NT5E: variants seen among roughly 807,000 people sequenced by gnomAD.
NT5E encodes 5'-nucleotidase ecto, also known as 5'-nucleotidase.
In NT5E, 53 loss-of-function variants were observed where a neutral mutation model predicts 55.1. The observed-to-expected ratio is 0.96, with a 90% CI of 0.77 to 1.21. The LOEUF (loss-of-function observed/expected upper bound fraction) is 1.21, where lower values mean the gene tolerates loss of function less well. Ranked by LOEUF, NT5E falls within the 50% of genes most tolerant of loss-of-function variation. The pLI is 0.00. For synonymous variants in NT5E, 270 were observed against 278.4 expected (o/e 0.97, Z 0.30); for missense variants, 683 against 724.3 (o/e 0.94, Z 0.65).
chr6:85,450,226 T>G lies in NT5E; in HGVS notation c.87T>G (p.Leu29=). ...VLWPAAGAWE[L]TILHTNDVHS... Reference sequence around the variant, plus strand: ...GGCCTGCGGCTGGCGCCTGGGAGCTTACGATTTTGCACACCAACGACGTGC... The same window carrying G: ...GGCCTGCGGCTGGCGCCTGGGAGCTGACGATTTTGCACACCAACGACGTGC... The change falls in exon 1 of 9, where the codon CTT becomes CTG. Residue 29 remains leucine, a synonymous_variant. Transcript: ENST00000257770. The surrounding 1 kb of genome is among the most constrained non-coding windows in gnomAD (Gnocchi z 4.0). The G allele has an allele frequency of 6.2e-7, 1 of 1,609,752 alleles. No homozygotes were observed. Among genetic ancestry groups the G allele is most frequent in the South Asian group, 1.1e-5 (1 of 90,452 alleles).
intron 1 of NT5E, among the ~76,000 whole-genome samples, chr6:85,455,424 C>T (rs1013148102): frequency 2.6e-5 from 4 of 152,168 alleles, no homozygotes; most frequent in African/African-American, 9.7e-5. Context: ...TACAAAAACT[C>T]TTGAACAAGA....
chr6:85,479,999 T>G (rs548858146), intron 3 of NT5E, among the ~76,000 whole-genome samples: 176 of 152,318 alleles, frequency 1.2e-3, no homozygotes, highest in Non-Finnish European at 2.2e-3. Flanking sequence ...TCGCTTTCCC[T>G]ACCCTGTATT....
chr6:85,489,405 T>C (rs1769736429), intron 5 of NT5E, 89 bp from the exon 6 acceptor site: 2 of 890,824 alleles, frequency 2.2e-6, no homozygotes, highest in African/African-American at 1.7e-5. Context: ...AGCAGCTTTA[T>C]TTCCTCACTA....
chr6:85,471,855 G>A (rs1263782543), intron 3 of NT5E, among the ~76,000 whole-genome samples: 1 of 152,120 alleles, frequency 6.6e-6, no homozygotes, highest in East Asian at 1.9e-4. Context: ...TTGATTTGTA[G>A]GTTGCACAGG....
chr6:85,486,721 T>C (rs1769672517), intron 4 of NT5E, among the ~76,000 whole-genome samples: 1 of 152,238 alleles, frequency 6.6e-6, no homozygotes, highest in African/African-American at 2.4e-5. Flanking sequence ...GTATTTACAA[T>C]AATCAGGAGC....
intron 2 of NT5E, among the ~76,000 whole-genome samples, chr6:85,470,957 A>G (rs2127721138): frequency 6.6e-6 from 1 of 152,346 alleles, no homozygotes; most frequent in South Asian, 2.1e-4. Flanking sequence ...AATATATAAA[A>G]CAATATCTGA....
At chr6:85,459,806 A>G (rs1010962308) in intron 1 of NT5E, among the ~76,000 whole-genome samples, 1 of 152,228 alleles carries the variant, frequency 6.6e-6, no homozygotes, top group Non-Finnish European at 1.5e-5. Flanking sequence ...ATAGCTTATA[A>G]AAGTCCAGTG....
chr6:85,470,320 GTTTGTTACCAC>G (rs1218790336), intron 2 of NT5E, among the ~76,000 whole-genome samples: 1 of 152,158 alleles, frequency 6.6e-6, no homozygotes, highest in Non-Finnish European at 1.5e-5. Flanking sequence ...AAAGGCTATC[GTTTGTTACCAC>G]TATGTGCAGT....
intron 1 of NT5E, among the ~76,000 whole-genome samples, chr6:85,466,851 T>C (rs1769205425): frequency 6.6e-6 from 1 of 152,128 alleles, no homozygotes; most frequent in South Asian, 2.1e-4. Flanking sequence ...CGTATGCACA[T>C]TGGCAAACCA....
At chr6:85,485,619 A>G (rs781105429) in intron 4 of NT5E, among the ~76,000 whole-genome samples, 187 bp downstream of exon 4, 3 of 152,194 alleles carry the variant, frequency 2.0e-5, no homozygotes, top group Non-Finnish European at 4.4e-5. Context: ...CAAAAGCCCC[A>G]CTTGCTTCTT....
At chr6:85,487,626 A>G (rs1287061862) in intron 5 of NT5E, 137 bp downstream of exon 5, 2 of 1,187,312 alleles carry the variant, frequency 1.7e-6, no homozygotes, top group Non-Finnish European at 2.5e-6. Context: ...GGGTGGTGGC[A>G]TGTGCCTATA....
At chr6:85,472,566 G>C (rs907522009) in intron 3 of NT5E, among the ~76,000 whole-genome samples, 1 of 152,188 alleles carries the variant, frequency 6.6e-6, no homozygotes, top group African/African-American at 2.4e-5. Context: ...GAATCTGCTA[G>C]CTTAGCTTCA....
chr6:85,458,688 C>T (rs540278717), intron 1 of NT5E, among the ~76,000 whole-genome samples: 1 of 152,222 alleles, frequency 6.6e-6, no homozygotes, highest in South Asian at 2.1e-4. Flanking sequence ...ATATATAATC[C>T]AAATATTAGC....
rs568514266 is a variant in NT5E at position 85,458,045 on chromosome 6, T to C, written c.339+7567T>C. Reference sequence around the variant, plus strand: ...AAGCCGAAATCAGCAGTAAGCATGTTTCTTCTCCCATAAAAACTTGTCCCT... The same window carrying C: ...AAGCCGAAATCAGCAGTAAGCATGTCTCTTCTCCCATAAAAACTTGTCCCT... On this transcript the variant is annotated intron_variant, in intron 1 of 8. Coordinates refer to ENST00000257770, the MANE Select transcript of NT5E (RefSeq NM_002526.4). Among the ~76,000 whole-genome samples the C allele has an allele frequency of 7.2e-5, 11 of 152,326 alleles. No homozygotes were observed. The South Asian group carries it at 2.3e-3, about 32-fold the overall frequency.
intron 2 of NT5E, among the ~76,000 whole-genome samples, chr6:85,469,961 G>T (rs1769269830): frequency 6.6e-6 from 1 of 152,196 alleles, no homozygotes; most frequent in Non-Finnish European, 1.5e-5. Context: ...TAATAATCTT[G>T]TTACTCTTTG....
In NT5E at chr6:85,494,156, A is replaced by C; in HGVS notation, c.*152A>C. 1.3e-6 allele frequency: 1 copy of C among 767,204 alleles called. No homozygotes were observed. Among genetic ancestry groups the C allele is most frequent in the Non-Finnish European group, 2.1e-6 (1 of 468,774 alleles). The allele number at this position is 767,204 out of a possible 1,614,324, so 47.5% of individuals were successfully genotyped here. On this transcript the variant is annotated 3_prime_UTR_variant, in exon 9 of 9. Coordinates refer to ENST00000257770, the MANE Select transcript of NT5E (RefSeq NM_002526.4). ...AGAGCATTATAAAATGAAGAGACAGACATGATTACTCAGGGTCAGCAACCT... is the reference window on the plus strand; with the variant it reads ...AGAGCATTATAAAATGAAGAGACAGCCATGATTACTCAGGGTCAGCAACCT...
chr6:85,490,520 G>T lies in NT5E; in HGVS notation c.1223G>T (p.Trp408Leu). ...TGACTACCCTCAGGCACAATTACCT[G>T]GGAGAACCTGGCTGCTGTATTGCCC... ...IDERNNGTIT[W>L]ENLAAVLPFG... Residue 408 changes from tryptophan (W) to leucine (L), a missense_variant, in exon 7 of 9, where the codon TGG (tryptophan) becomes TTG (leucine). Trp to Leu is a moderately conservative substitution (Grantham distance 61, BLOSUM62 -2). Coordinates refer to ENST00000257770, the MANE Select transcript of NT5E (RefSeq NM_002526.4). The T allele has an allele frequency of 6.2e-7, 1 of 1,614,178 alleles. No individual in the cohort carries two copies. Among genetic ancestry groups the T allele is most frequent in the Non-Finnish European group, 8.5e-7 (1 of 1,180,016 alleles).
In NT5E at chr6:85,450,516, A is replaced by G. The variant is rs772943979; in HGVS notation, c.339+38A>G. The G allele has an allele frequency of 1.4e-5, 21 of 1,533,034 alleles. No individual in the cohort carries two copies. The highest frequency in any genetic ancestry group is 1.8e-5 in the Non-Finnish European group (20 of 1,127,790). The allele number at this position is 1,533,034 out of a possible 1,614,324, so 95.0% of individuals were successfully genotyped here. ...CCCGCGCCCGGGATAGTAGTCCCGG[A>G]CTGAGAGAGGAGCCGGGCTGGAAAA... On this transcript the variant is annotated intron_variant, in intron 1 of 8. Transcript: ENST00000257770. The surrounding 1 kb of genome is among the most constrained non-coding windows in gnomAD (Gnocchi z 4.0).
chr6:85,467,042 C>T lies in NT5E; in HGVS notation c.340-18C>T. On this transcript the variant is annotated intron_variant, in intron 1 of 8. Coordinates refer to ENST00000257770, the MANE Select transcript of NT5E (RefSeq NM_002526.4). ...TTTTAAAGCACCTAATTCTTTTTCT[C>T]TTTTCTGTTTTATCTAGGCACTGGG... 1 of 1,607,980 alleles carries T rather than the reference C, an allele frequency of 6.2e-7. No individual in the cohort carries two copies. The highest frequency in any genetic ancestry group is 8.5e-7 in the Non-Finnish European group (1 of 1,174,658).
Sources: allele counts gnomAD v4.1 joint callset (sites outside exome capture counted in the v4.1 genomes callset), GRCh38; gene constraint gnomAD v4.1.1; non-coding constraint Gnocchi (gnomAD v3.1); transcripts MANE v1.5; gene names NCBI Gene and HGNC (gene_info 2026-07-23, HGNC 2026-07-21).